The following IP6K3 variants were observed in gnomAD, a reference collection of about 807,000 sequenced individuals.
IP6K3 encodes the protein inositol hexakisphosphate kinase 3.
Under a neutral mutation model 28.8 loss-of-function variants are expected in IP6K3, and 20 were observed. The ratio of observed to expected loss-of-function variants is 0.70; its 90% CI spans 0.49 to 1.01. The LOEUF is 1.01. IP6K3 is among the 50% of genes least tolerant of loss of function. The pLI, the probability that IP6K3 is intolerant of heterozygous loss-of-function variation, is 0.00. For missense variants in IP6K3, 480 were observed against 537.1 expected (o/e 0.89, Z 1.05); for synonymous variants, 213 against 221.3 (o/e 0.96, Z 0.33).
chr6:33,727,983 C>T (rs1480801964), intron 3 of IP6K3, 104 bp downstream of exon 3: 1 of 1,487,914 alleles, frequency 6.7e-7, no homozygotes, highest in African/African-American at 1.4e-5. Context: ...TTCTTTTTCT[C>T]AGCACCAGCC....
chr6:33,727,755 T>C, intron 3 of IP6K3: 2 of 864,110 alleles, frequency 2.3e-6, no homozygotes, highest in Non-Finnish European at 2.8e-6. Context: ...GGGTTTCTGT[T>C]TTGTGTACTT....
upstream of IP6K3, among the ~76,000 whole-genome samples, chr6:33,747,760 G>C (rs1010849633): frequency 2.0e-5 from 3 of 152,160 alleles, no homozygotes; most frequent in Admixed American, 2.0e-4. The surrounding 1 kb of genome is among the most constrained non-coding windows in gnomAD (Gnocchi z 5.2). Flanking sequence ...ACCAGCCTCT[G>C]TCCTCAGCCT....
In IP6K3 at chr6:33,728,284, G is replaced by T. The variant is rs766558233; in HGVS notation, c.216C>A (p.His72Gln). The change falls in exon 3 of 6, where the codon CAC becomes CAA. Residue 72 changes from histidine to glutamine, a missense_variant. His to Gln is a conservative substitution (Grantham distance 24). Transcript: ENST00000293756. ...GATGGCCTGTGCTGTCTTTCCAGAG[G>T]TGCACTGTGACGGTACCTGCAAACA... ...TPQYKGTVTV[H>Q]LWKDSTGHLS... 1 of 1,614,190 alleles carries T rather than the reference G, an allele frequency of 6.2e-7. No individual in the cohort carries two copies. Among genetic ancestry groups the T allele is most frequent in the Non-Finnish European group, 8.5e-7 (1 of 1,180,040 alleles).
At chr6:33,734,764 A>G (rs1766449929) in intron 2 of IP6K3, among the ~76,000 whole-genome samples, 1 of 152,214 alleles carries the variant, frequency 6.6e-6, no homozygotes, top group Admixed American at 6.5e-5. Flanking sequence ...GCTACACGCA[A>G]GCGGCAGCCC....
rs138462011 is a variant in IP6K3 at position 33,742,427 on chromosome 6, G to T, written c.-180+4331C>A. Among the ~76,000 whole-genome samples, 499 of 152,252 alleles carry T rather than the reference G, an allele frequency of 3.3e-3. 4 individuals carry two copies. Among genetic ancestry groups the T allele is most frequent in the African/African-American group, 0.011 (467 of 41,546 alleles). ...TCAGGATAGGGAGCTTTCAGAAGCTGCACCTGACTGGGCAGCAAGAACCGC... is the reference window on the plus strand; with the variant it reads ...TCAGGATAGGGAGCTTTCAGAAGCTTCACCTGACTGGGCAGCAAGAACCGC... On this transcript the variant is annotated intron_variant, in intron 1 of 5. Transcript: ENST00000293756. The surrounding 1 kb of genome is among the most constrained non-coding windows in gnomAD (Gnocchi z 4.5).
At chr6:33,754,550 T>C in the IP6K3 span, among the ~76,000 whole-genome samples, 1 of 152,184 alleles carries the variant, frequency 6.6e-6, no homozygotes, top group East Asian at 1.9e-4. Context: ...CCCTGGTTTC[T>C]GCTGAGCTGG....
intron 1 of IP6K3, among the ~76,000 whole-genome samples, chr6:33,737,563 C>T (rs1766572376): frequency 6.6e-6 from 1 of 152,244 alleles, no homozygotes; most frequent in South Asian, 2.1e-4. Context: ...CTCAGAGAGG[C>T]TCCTGCCAGC....
chr6:33,728,008 T>C (rs937627937), intron 3 of IP6K3, 79 bp downstream of exon 3: 53 of 1,548,028 alleles, frequency 3.4e-5, no homozygotes, highest in Non-Finnish European at 4.5e-5. Context: ...TAGGGAGTGG[T>C]TGGCCTTGGG....
intron 1 of IP6K3, among the ~76,000 whole-genome samples, chr6:33,743,093 G>A (rs975465732): frequency 6.6e-6 from 1 of 152,152 alleles, no homozygotes; most frequent in African/African-American, 2.4e-5. Flanking sequence ...GGAGGGGGAC[G>A]GAGAGTGAGC....
intron 1 of IP6K3, among the ~76,000 whole-genome samples, chr6:33,738,522 T>TAACC (rs34610593): frequency 0.12 from 19,017 of 152,214 alleles, 1,576 homozygotes; most frequent in Middle Eastern, 0.22. Flanking sequence ...TTGTATAGAG[T>TAACC]AACCTATTTA....
the IP6K3 span, among the ~76,000 whole-genome samples, chr6:33,758,016 G>A: frequency 3.3e-5 from 5 of 152,210 alleles, no homozygotes; most frequent in Non-Finnish European, 1.5e-5. Context: ...CGTGGCGTCT[G>A]GGAGGCAGGA....
chr6:33,735,730 C>T, intron 1 of IP6K3, 75 bp from the exon 2 acceptor site: 1 of 748,498 alleles, frequency 1.3e-6, no homozygotes, highest in Non-Finnish European at 2.1e-6. Flanking sequence ...TTGGAAGGGC[C>T]CACACAGCCT....
At chr6:33,755,321 A>G in the IP6K3 span, among the ~76,000 whole-genome samples, 1 of 152,248 alleles carries the variant, frequency 6.6e-6, no homozygotes, top group Admixed American at 6.5e-5. Context: ...CTGCAGGTGC[A>G]GATAAAATTA....
At chr6:33,726,939 C>A (rs1401174813) in intron 3 of IP6K3, 33 bp from the exon 4 acceptor site, 7 of 1,554,132 alleles carry the variant, frequency 4.5e-6, no homozygotes, top group Non-Finnish European at 6.1e-6. Flanking sequence ...ACGGTCAGAG[C>A]AGAGGTCTGG....
At chr6:33,743,632 G>A (rs1002415465) in intron 1 of IP6K3, among the ~76,000 whole-genome samples, 1 of 152,198 alleles carries the variant, frequency 6.6e-6, no homozygotes, top group Non-Finnish European at 1.5e-5. Flanking sequence ...CTCAAGGGCT[G>A]TAGGATGGTG....
At chr6:33,736,106 T>G (rs1766514672) in intron 1 of IP6K3, among the ~76,000 whole-genome samples, 1 of 152,188 alleles carries the variant, frequency 6.6e-6, no homozygotes, top group African/African-American at 2.4e-5. Context: ...GCTCAAGTGA[T>G]CCACCCACCT....
the IP6K3 span, among the ~76,000 whole-genome samples, chr6:33,755,632 T>C: frequency 6.6e-6 from 1 of 152,352 alleles, no homozygotes; most frequent in African/African-American, 2.4e-5. Flanking sequence ...TCCAGGCCTG[T>C]TTCTTCACCT....
intron 2 of IP6K3, among the ~76,000 whole-genome samples, chr6:33,730,221 T>G (rs1041301440): frequency 2.0e-5 from 3 of 152,238 alleles, no homozygotes; most frequent in African/African-American, 7.2e-5. Context: ...TCGGCTTGCA[T>G]GCCTGCCGGG....
At chr6:33,736,730 A>AT (rs1766540720) in intron 1 of IP6K3, among the ~76,000 whole-genome samples, 1 of 152,170 alleles carries the variant, frequency 6.6e-6, no homozygotes. Context: ...TTTGTACAGC[A>AT]TGGGTGTGCA....
Sources: allele counts gnomAD v4.1 joint callset (sites outside exome capture counted in the v4.1 genomes callset), GRCh38; gene constraint gnomAD v4.1.1; non-coding constraint Gnocchi (gnomAD v3.1); transcripts MANE v1.5; gene names NCBI Gene and HGNC (gene_info 2026-07-23, HGNC 2026-07-21).